STK3: variants seen among roughly 807,000 people sequenced by gnomAD.
The protein encoded by STK3 is serine/threonine-protein kinase 3.
A neutral mutation model predicts 58.0 loss-of-function variants in STK3; 41 were observed. The observed-to-expected ratio is 0.71, with a 90% confidence interval of 0.55 to 0.92. The LOEUF is 0.92. Among genes scored for constraint, STK3 ranks in the 40% least tolerant of loss-of-function variants. The pLI is 0.00. For synonymous variants in STK3, 170 were observed against 191.0 expected (o/e 0.89, Z 0.91); for missense variants, 479 against 602.7 (o/e 0.79, Z 2.15).
chr8:98,685,830 T>C (rs1005142882), intron 6 of STK3, among the ~76,000 whole-genome samples: 7 of 151,282 alleles, frequency 4.6e-5, no homozygotes, highest in African/African-American at 1.7e-4. Flanking sequence ...ACACACCCTG[T>C]CAGGAAACAA....
intron 1 of STK3, among the ~76,000 whole-genome samples, chr8:98,900,361 G>T (rs544809302): frequency 6.6e-6 from 1 of 151,954 alleles, no homozygotes; most frequent in Non-Finnish European, 1.5e-5. Context: ...GATTACAGGC[G>T]TGAGCCACCA....
chr8:98,613,773 T>A (rs1324026371), intron 6 of STK3, among the ~76,000 whole-genome samples: 1 of 152,090 alleles, frequency 6.6e-6, no homozygotes, highest in Admixed American at 6.5e-5. Context: ...GATTTTAAAA[T>A]GCAACTCAAT....
intron 3 of STK3, among the ~76,000 whole-genome samples, chr8:98,405,760 G>A (rs1329191744): frequency 6.6e-6 from 1 of 152,202 alleles, no homozygotes; most frequent in Non-Finnish European, 1.5e-5. Flanking sequence ...CATGGCAGAA[G>A]GCAAAGAAGA....
chr8:98,778,647 T>C (rs1222296762), intron 1 of STK3, among the ~76,000 whole-genome samples: 1 of 152,004 alleles, frequency 6.6e-6, no homozygotes, highest in African/African-American at 2.4e-5. Flanking sequence ...CCAACAATGA[T>C]AGACTGGATT....
At chr8:98,645,105 GT>G (rs1820304993) in intron 6 of STK3, among the ~76,000 whole-genome samples, 1 of 152,168 alleles carries the variant, frequency 6.6e-6, no homozygotes, top group South Asian at 2.1e-4. Context: ...AGATTTGGGA[GT>G]TCATAAAGTT....
chr8:98,872,517 A>T, intron 3 of STK3, among the ~76,000 whole-genome samples: 1 of 152,010 alleles, frequency 6.6e-6, no homozygotes, highest in South Asian at 2.1e-4. Flanking sequence ...CAATTTCAGA[A>T]CCTGTTATTT....
intron 4 of STK3, among the ~76,000 whole-genome samples, chr8:98,711,934 T>A (rs929769168): frequency 5.3e-5 from 8 of 152,180 alleles, no homozygotes; most frequent in African/African-American, 1.9e-4. Context: ...ACAGCTGATC[T>A]CTCGGCAGAA....
At chr8:98,773,177 T>G (rs955420037) in intron 2 of STK3, among the ~76,000 whole-genome samples, 1 of 152,114 alleles carries the variant, frequency 6.6e-6, no homozygotes, top group Admixed American at 6.5e-5. Context: ...TCTATGTCCT[T>G]TCTCTTTTTT....
At chr8:98,448,415 G>A (rs763607585) in intron 1 of STK3, among the ~76,000 whole-genome samples, 43 of 152,116 alleles carry the variant, frequency 2.8e-4, no homozygotes, top group Non-Finnish European at 4.3e-4. Context: ...GTGCTATTAC[G>A]TCTTTTCATT....
intron 1 of STK3, among the ~76,000 whole-genome samples, chr8:98,923,594 C>T (rs1455658224): frequency 2.6e-5 from 4 of 152,156 alleles, no homozygotes; most frequent in Admixed American, 6.6e-5. Context: ...ACGGGCATGT[C>T]CTTAAGCACA....
chr8:98,523,765 C>T (rs994140212), intron 10 of STK3, among the ~76,000 whole-genome samples: 2 of 152,084 alleles, frequency 1.3e-5, no homozygotes, highest in African/African-American at 4.8e-5. Flanking sequence ...ATATTAACCT[C>T]TTATCAGATA....
At chr8:98,843,214 TA>T (rs1836065408) in intron 3 of STK3, among the ~76,000 whole-genome samples, 1 of 152,110 alleles carries the variant, frequency 6.6e-6, no homozygotes, top group South Asian at 2.1e-4. Flanking sequence ...ATACATAAAA[TA>T]AAGTTAGATC....
rs1279601267 is a variant in STK3 at position 98,587,398 on chromosome 8, T to C, written c.823-7609A>G. 2.0e-5 allele frequency among the ~76,000 whole-genome samples: 3 copies of C among 152,026 alleles called. No homozygotes were observed. In the South Asian group the frequency reaches 6.2e-4, roughly 32 times the overall value. On this transcript the variant is annotated intron_variant, in intron 7 of 10. Coordinates refer to ENST00000419617, the MANE Select transcript of STK3 (RefSeq NM_006281.4). ...AGCAGGTTGTTCAGTTTCCATGTAG[T>C]TGAGTGGTTTTGAGTGAGATTCTTA...
chr8:98,479,385 G>T (rs1247588952), intron 10 of STK3, among the ~76,000 whole-genome samples: 4 of 151,162 alleles, frequency 2.6e-5, no homozygotes, highest in Non-Finnish European at 4.4e-5. Context: ...GACTCGGGAG[G>T]CTGAGGCAGC....
At chr8:98,710,452 G>C (rs1041775413) in intron 4 of STK3, among the ~76,000 whole-genome samples, 4 of 152,190 alleles carry the variant, frequency 2.6e-5, no homozygotes, top group African/African-American at 7.2e-5. Context: ...CTAATACTGT[G>C]CTTTTCCAAT....
At chr8:98,599,174 A>C (rs1219990592) in intron 6 of STK3, among the ~76,000 whole-genome samples, 1 of 152,244 alleles carries the variant, frequency 6.6e-6, no homozygotes, top group East Asian at 1.9e-4. Context: ...ACAACAAATA[A>C]ATGAGATAAA....
At chr8:98,422,451 C>G (rs1818184288) in intron 3 of STK3, among the ~76,000 whole-genome samples, 1 of 152,170 alleles carries the variant, frequency 6.6e-6, no homozygotes, top group Non-Finnish European at 1.5e-5. Flanking sequence ...TAAAGCCACC[C>G]AGACAGGCTG....
intron 9 of STK3, among the ~76,000 whole-genome samples, chr8:98,529,594 A>T (rs1422751689): frequency 6.6e-6 from 1 of 152,238 alleles, no homozygotes; most frequent in Non-Finnish European, 1.5e-5. Flanking sequence ...CGGAACTGAA[A>T]GCCAGGTCTT....
At chr8:98,614,743 T>A (rs1167406284) in intron 6 of STK3, among the ~76,000 whole-genome samples, 1 of 152,170 alleles carries the variant, frequency 6.6e-6, no homozygotes, top group Non-Finnish European at 1.5e-5. Flanking sequence ...ATACTGCGCT[T>A]TTCAGACCGG....
Sources: gnomAD v4.1 joint callset for allele counts (sites outside exome capture counted in the v4.1 genomes callset) on GRCh38, gnomAD v4.1.1 for gene constraint, MANE v1.5 for transcripts, NCBI Gene and HGNC (gene_info 2026-07-23, HGNC 2026-07-21) for gene names.